Variants in SDHAF1 observed in about 807,000 individuals in gnomAD.
SDHAF1 encodes succinate dehydrogenase assembly factor 1, mitochondrial.
For missense variants in SDHAF1, 198 were observed against 179.0 expected (o/e 1.11, Z -0.61); for synonymous variants, 81 against 85.8 (o/e 0.94, Z 0.31).
chr19:35,995,736 C>G lies in SDHAF1; in HGVS notation c.*114C>G. 1.2e-6 allele frequency: 1 copy of G among 803,420 alleles called. No homozygotes were observed. Among genetic ancestry groups the G allele is most frequent in the African/African-American group, 1.8e-5 (1 of 55,978 alleles). The allele number at this position is 803,420 out of a possible 1,614,324, so 49.8% of individuals were successfully genotyped here. On this transcript the variant is annotated 3_prime_UTR_variant, in exon 1 of 1. Transcript: ENST00000378887. ...GAGAGGTCTTAAGAGACTAGCTTGA[C>G]GAATTGGGGATGTCAGAGACTCCTC...
Position 35,995,332 on chromosome 19 carries a change from C to T in SDHAF1, c.58C>T (p.Arg20Cys), listed in dbSNP as rs866601813. 2 of 1,549,024 alleles carry T rather than the reference C, an allele frequency of 1.3e-6. No homozygotes were observed. Among genetic ancestry groups the T allele is most frequent in the Non-Finnish European group, 8.7e-7 (1 of 1,154,400 alleles). Residue 20 changes from arginine to cysteine, a missense_variant, in exon 1 of 1, where the codon CGC becomes TGC. Coordinates refer to ENST00000378887, the MANE Select transcript of SDHAF1 (RefSeq NM_001042631.3). ...QVLSLYRDLLRAGRGKPGAEA... is the reference protein window; with the variant it reads ...QVLSLYRDLLCAGRGKPGAEA... ...TCTGAGCCTGTACCGCGATCTGCTGCGCGCCGGGCGTGGGAAGCCGGGCGC... is the reference window on the plus strand; with the variant it reads ...TCTGAGCCTGTACCGCGATCTGCTGTGCGCCGGGCGTGGGAAGCCGGGCGC...
Position 35,995,227 on chromosome 19 carries a change from T to C in SDHAF1, c.-48T>C, listed in dbSNP as rs748823198. 6 of 1,369,102 alleles carry C rather than the reference T, an allele frequency of 4.4e-6. No individual in the cohort carries two copies. The highest frequency in any genetic ancestry group is 2.0e-5 in the Admixed American group (1 of 49,076). 84.8% of individuals were successfully genotyped at this position (1,369,102 alleles called of 1,614,324 possible). ...TGGCCTTTGCTGGCTGTGTGGCGGC[T>C]CCGCGGTTCGCAGGTCGTTCGCTGA... On this transcript the variant is annotated 5_prime_UTR_variant, in exon 1 of 1. Coordinates refer to ENST00000378887, the MANE Select transcript of SDHAF1 (RefSeq NM_001042631.3).
In SDHAF1 at chr19:35,995,607, C is replaced by G. The variant is rs76336581; in HGVS notation, c.333C>G (p.Arg111=). The G allele has an allele frequency of 0.053, 81,543 of 1,548,572 alleles. 2,347 individuals are homozygous for G. The highest frequency in any genetic ancestry group is 0.057 in the South Asian group (4,796 of 84,086). The change falls in exon 1 of 1, where the codon CGC becomes CGG. Residue 111 remains arginine, a synonymous_variant. Coordinates refer to ENST00000378887, the MANE Select transcript of SDHAF1 (RefSeq NM_001042631.3). ...PHDSTGAPET[R]PDGR is the part of the protein sequence containing the mutation. Reference sequence around the variant, plus strand: ...ACAGCACGGGGGCACCGGAGACCCGCCCCGACGGACGGTGACAGGCGAAGA... The same window carrying G: ...ACAGCACGGGGGCACCGGAGACCCGGCCCGACGGACGGTGACAGGCGAAGA...
At position 35,995,539 on chromosome 19, in the gene SDHAF1, G is replaced by A; in HGVS notation, c.265G>A (p.Gly89Ser). 1 of 1,533,858 alleles carries A rather than the reference G, an allele frequency of 6.5e-7. No homozygotes were observed. The highest frequency in any genetic ancestry group is 8.7e-7 in the Non-Finnish European group (1 of 1,144,856). ...CCCGACCGGGGAGCCTGGCGGCGTG[G>A]GTTGCCAGCCTGACGACGGCGACAG... ...RAPTGEPGGV[G>S]CQPDDGDSPR... Residue 89 changes from glycine (G) to serine (S), a missense_variant, in exon 1 of 1, where the codon GGT (glycine) becomes AGT (serine). By Grantham distance (56) the Gly-to-Ser change is moderately conservative (BLOSUM62 0). Coordinates refer to ENST00000378887, the MANE Select transcript of SDHAF1 (RefSeq NM_001042631.3).
rs1184435116 is a variant in SDHAF1, at chr19:35,995,701, C to T, written c.*79C>T. The T allele has an allele frequency of 8.8e-7, 1 of 1,135,658 alleles. No homozygotes were observed. Among genetic ancestry groups the T allele is most frequent in the African/African-American group, 1.5e-5 (1 of 64,640 alleles). The allele number at this position is 1,135,658 out of a possible 1,614,324, so 70.3% of individuals were successfully genotyped here. ...GACTGCATGGGGGGACTGGGGAACCCGCCTAAGGTGAGAGGTCTTAAGAGA... is the reference window on the plus strand; with the variant it reads ...GACTGCATGGGGGGACTGGGGAACCTGCCTAAGGTGAGAGGTCTTAAGAGA... On this transcript the variant is annotated 3_prime_UTR_variant, in exon 1 of 1. Coordinates refer to ENST00000378887, the MANE Select transcript of SDHAF1 (RefSeq NM_001042631.3).
chr19:35,995,540 G>C lies in SDHAF1; in HGVS notation c.266G>C (p.Gly89Ala). The C allele has an allele frequency of 6.5e-7, 1 of 1,535,876 alleles. No homozygotes were observed. The highest frequency in any genetic ancestry group is 8.7e-7 in the Non-Finnish European group (1 of 1,145,920). The stretch of plus-strand genomic sequence containing the variant: ...CCGACCGGGGAGCCTGGCGGCGTGG[G>C]TTGCCAGCCTGACGACGGCGACAGT... Reference protein sequence around the residue: ...RAPTGEPGGVGCQPDDGDSPR... With the variant: ...RAPTGEPGGVACQPDDGDSPR... The change falls in exon 1 of 1, where the codon GGT becomes GCT. Residue 89 changes from glycine to alanine, a missense_variant. Coordinates refer to ENST00000378887, the MANE Select transcript of SDHAF1 (RefSeq NM_001042631.3).
rs1233103045 is a variant in SDHAF1 at position 35,995,243 on chromosome 19, C to T, written c.-32C>T. 23 of 1,463,794 alleles carry T rather than the reference C, an allele frequency of 1.6e-5. No individual in the cohort carries two copies. In the East Asian group the frequency reaches 4.8e-4, roughly 30 times the overall value. 90.7% of individuals were successfully genotyped at this position (1,463,794 alleles called of 1,614,324 possible). On this transcript the variant is annotated 5_prime_UTR_variant, in exon 1 of 1. Transcript: ENST00000378887. ...TGTGGCGGCTCCGCGGTTCGCAGGT[C>T]GTTCGCTGAGCGTCTCTGCTTAGCC...
rs1239581328 is a variant in SDHAF1, at chr19:35,995,421, C to A, written c.147C>A (p.Arg49=). ...HAGLPRSDVL[R]IEYLYRRGRR... Reference sequence around the variant, plus strand: ...GCCTGCCGCGGTCCGACGTGCTGCGCATCGAGTACCTGTACCGCCGCGGGC... The same window carrying A: ...GCCTGCCGCGGTCCGACGTGCTGCGAATCGAGTACCTGTACCGCCGCGGGC... The change falls in exon 1 of 1, where the codon CGC becomes CGA. Residue 49 remains arginine (R), a synonymous_variant. Coordinates refer to ENST00000378887, the MANE Select transcript of SDHAF1 (RefSeq NM_001042631.3). 1.3e-6 allele frequency: 2 copies of A among 1,570,480 alleles called. No individual in the cohort carries two copies. The highest frequency in any genetic ancestry group is 1.7e-6 in the Non-Finnish European group (2 of 1,166,234).
In SDHAF1 at chr19:35,995,303, A is replaced by G; in HGVS notation, c.29A>G (p.Gln10Arg). 6.5e-7 allele frequency: 1 copy of G among 1,546,010 alleles called. No homozygotes were observed. The highest frequency in any genetic ancestry group is 8.7e-7 in the Non-Finnish European group (1 of 1,152,410). Residue 10 changes from glutamine to arginine, a missense_variant, in exon 1 of 1, where the codon CAG (glutamine) becomes CGG (arginine). Gln to Arg is a conservative substitution (Grantham distance 43, BLOSUM62 1). Coordinates refer to ENST00000378887, the MANE Select transcript of SDHAF1 (RefSeq NM_001042631.3). MSRHSRLQR[Q>R]VLSLYRDLLR... ...AGCCGGCACAGCCGGCTGCAGAGGC[A>G]GGTTCTGAGCCTGTACCGCGATCTG... is the stretch of plus-strand genomic sequence containing the variant.
Position 35,995,335 on chromosome 19 carries a change from G to T in SDHAF1, c.61G>T (p.Ala21Ser). ...GAGCCTGTACCGCGATCTGCTGCGC[G>T]CCGGGCGTGGGAAGCCGGGCGCCGA... Reference protein sequence around the residue: ...VLSLYRDLLRAGRGKPGAEAR... With the variant: ...VLSLYRDLLRSGRGKPGAEAR... Residue 21 changes from alanine (A) to serine (S), a missense_variant, in exon 1 of 1, where the codon GCC (alanine) becomes TCC (serine). Physicochemically the swap from Ala to Ser is moderately conservative, Grantham distance 99 (BLOSUM62 1). Transcript: ENST00000378887. The T allele has an allele frequency of 6.5e-7, 1 of 1,549,210 alleles. No homozygotes were observed.
In SDHAF1 at chr19:35,995,476, C is replaced by A; in HGVS notation, c.202C>A (p.His68Asn). 1 of 1,555,226 alleles carries A rather than the reference C, an allele frequency of 6.4e-7. No homozygotes were observed. Among genetic ancestry groups the A allele is most frequent in the Non-Finnish European group, 8.6e-7 (1 of 1,157,526 alleles). ...CCAGCTGCAGCTGCTACGCTCGGGC[C>A]ACGCCACCGCCATGGGCGCCTTCGT... The part of the protein sequence containing the change: ...RRQLQLLRSG[H>N]ATAMGAFVRP... Residue 68 changes from histidine to asparagine, a missense_variant, in exon 1 of 1, where the codon CAC (histidine) becomes AAC (asparagine). His to Asn is a moderately conservative substitution (Grantham distance 68). Coordinates refer to ENST00000378887, the MANE Select transcript of SDHAF1 (RefSeq NM_001042631.3).
In SDHAF1 at chr19:35,995,306, T is replaced by G; in HGVS notation, c.32T>G (p.Val11Gly). 1 of 1,545,672 alleles carries G rather than the reference T, an allele frequency of 6.5e-7. No homozygotes were observed. Among genetic ancestry groups the G allele is most frequent in the African/African-American group, 1.4e-5 (1 of 73,700 alleles). Residue 11 changes from valine (V) to glycine (G), a missense_variant, in exon 1 of 1, where the codon GTT (valine) becomes GGT (glycine). Val to Gly is a moderately radical substitution (Grantham distance 109, BLOSUM62 -3). Transcript: ENST00000378887. ...CGGCACAGCCGGCTGCAGAGGCAGG[T>G]TCTGAGCCTGTACCGCGATCTGCTG... MSRHSRLQRQ[V>G]LSLYRDLLRA...
chr19:35,995,213 G>A lies in SDHAF1; in HGVS notation c.-62G>A. The A allele has an allele frequency of 8.0e-7, 1 of 1,248,750 alleles. No individual in the cohort carries two copies. Among genetic ancestry groups the A allele is most frequent in the Non-Finnish European group, 1.1e-6 (1 of 895,660 alleles). 77.4% of individuals were successfully genotyped at this position (1,248,750 alleles called of 1,614,324 possible). On this transcript the variant is annotated 5_prime_UTR_variant, in exon 1 of 1. Transcript: ENST00000378887. ...GTGGCTTTGCCCTTTGGCCTTTGCTGGCTGTGTGGCGGCTCCGCGGTTCGC... is the reference window on the plus strand; with the variant it reads ...GTGGCTTTGCCCTTTGGCCTTTGCTAGCTGTGTGGCGGCTCCGCGGTTCGC...
chr19:35,996,232 G>C lies in SDHAF1; in HGVS notation c.*610G>C, dbSNP rs953640269. ...GACCCCCAAAGGCCCCTACTTGATG[G>C]TTTTGAGGGGCAACATTGACTCATT... On this transcript the variant is annotated 3_prime_UTR_variant, in exon 1 of 1. Transcript: ENST00000378887. 4 of 167,108 alleles carry C rather than the reference G, an allele frequency of 2.4e-5. No homozygotes were observed. The highest frequency in any genetic ancestry group is 9.7e-5 in the African/African-American group (4 of 41,424). 10.4% of individuals were successfully genotyped at this position (167,108 alleles called of 1,614,324 possible).
Position 35,995,654 on chromosome 19 carries a change from G to A in SDHAF1, c.*32G>A. The A allele has an allele frequency of 4.0e-6, 6 of 1,502,862 alleles. No homozygotes were observed. Among genetic ancestry groups the A allele is most frequent in the Non-Finnish European group, 5.4e-6 (6 of 1,104,190 alleles). The allele number at this position is 1,502,862 out of a possible 1,614,324, so 93.1% of individuals were successfully genotyped here. On this transcript the variant is annotated 3_prime_UTR_variant, in exon 1 of 1. Coordinates refer to ENST00000378887, the MANE Select transcript of SDHAF1 (RefSeq NM_001042631.3). ...AAGAGCCGAACTCGCTCGATGGCGT[G>A]GTGGAGCCAGGAGGCTCGCCTGACT...
rs1344981052 is a variant in SDHAF1 at position 35,995,789 on chromosome 19, C to A, written c.*167C>A. The A allele has an allele frequency of 1.6e-6, 1 of 614,106 alleles. No homozygotes were observed. Among genetic ancestry groups the A allele is most frequent in the African/African-American group, 1.9e-5 (1 of 51,300 alleles). 38.0% of individuals were successfully genotyped at this position (614,106 alleles called of 1,614,324 possible). ...TGGCGACGCAGGGGGCCTAGAGAGC[C>A]CCGTGATGGACGGCAAGGGAGGCCC... On this transcript the variant is annotated 3_prime_UTR_variant, in exon 1 of 1. Coordinates refer to ENST00000378887, the MANE Select transcript of SDHAF1 (RefSeq NM_001042631.3).
rs572004966 is a variant in SDHAF1 at position 35,995,417 on chromosome 19, T to A, written c.143T>A (p.Leu48Gln). ...GCGGGCCTGCCGCGGTCCGACGTGC[T>A]GCGCATCGAGTACCTGTACCGCCGC... ...QHAGLPRSDVLRIEYLYRRGR... is the reference protein window; with the variant it reads ...QHAGLPRSDVQRIEYLYRRGR... Residue 48 changes from leucine to glutamine, a missense_variant, in exon 1 of 1, where the codon CTG becomes CAG. Leu to Gln is a moderately radical substitution (Grantham distance 113). Coordinates refer to ENST00000378887, the MANE Select transcript of SDHAF1 (RefSeq NM_001042631.3). The A allele has an allele frequency of 1.3e-5, 21 of 1,569,846 alleles. No homozygotes were observed. The Admixed American group carries it at 2.1e-4, about 16-fold the overall frequency.
Position 35,995,315 on chromosome 19 carries a change from T to G in SDHAF1, c.41T>G (p.Leu14Arg), listed in dbSNP as rs1299794816. ...HSRLQRQVLS[L>R]YRDLLRAGRG... is the part of the protein sequence containing the mutation. Reference sequence around the variant, plus strand: ...CGGCTGCAGAGGCAGGTTCTGAGCCTGTACCGCGATCTGCTGCGCGCCGGG... The same window carrying G: ...CGGCTGCAGAGGCAGGTTCTGAGCCGGTACCGCGATCTGCTGCGCGCCGGG... Residue 14 changes from leucine to arginine, a missense_variant, in exon 1 of 1, where the codon CTG becomes CGG. Coordinates refer to ENST00000378887, the MANE Select transcript of SDHAF1 (RefSeq NM_001042631.3). 6.5e-7 allele frequency: 1 copy of G among 1,547,354 alleles called. No homozygotes were observed. Among genetic ancestry groups the G allele is most frequent in the East Asian group, 2.4e-5 (1 of 42,228 alleles).
At position 35,995,566 on chromosome 19, in the gene SDHAF1, C is replaced by T. The variant is rs1430368689; in HGVS notation, c.292C>T (p.Pro98Ser). The T allele has an allele frequency of 4.5e-6, 7 of 1,541,402 alleles. No individual in the cohort carries two copies. The Admixed American group carries it at 7.8e-5, about 17-fold the overall frequency. The part of the protein sequence containing the change: ...VGCQPDDGDS[P>S]RNPHDSTGAP... ...TTGCCAGCCTGACGACGGCGACAGT[C>T]CAAGGAACCCCCACGACAGCACGGG... is the stretch of plus-strand genomic sequence containing the variant. Residue 98 changes from proline to serine, a missense_variant, in exon 1 of 1, where the codon CCA becomes TCA. Pro to Ser is a moderately conservative substitution (Grantham distance 74). Transcript: ENST00000378887.
Sources: allele counts gnomAD v4.1 joint callset, GRCh38; gene constraint gnomAD v4.1.1; transcripts MANE v1.5; gene names NCBI Gene and HGNC (gene_info 2026-07-23, HGNC 2026-07-21).